The following RASA3 variants were observed in gnomAD, a reference collection of about 807,000 sequenced individuals.
The protein encoded by RASA3 is ras GTPase-activating protein 3.
A neutral mutation model predicts 110.0 loss-of-function variants in RASA3; 73 were observed. The ratio of observed to expected loss-of-function variants is 0.66; its 90% CI spans 0.55 to 0.81. The LOEUF is 0.81. Among genes scored for constraint, RASA3 ranks in the 30% least tolerant of loss-of-function variants. RASA3 has a pLI of 0.00. For synonymous variants in RASA3, 500 were observed against 451.4 expected, an observed-to-expected ratio of 1.11 and a Z score of -1.37; for missense variants, 976 against 1,113.2, an observed-to-expected ratio of 0.88 and a Z score of 1.75.
At chr13:114,066,103 G>A (rs550693887) in intron 2 of RASA3, among the ~76,000 whole-genome samples, 47 of 149,910 alleles carry the variant, frequency 3.1e-4, no homozygotes, top group Admixed American at 5.3e-4. Flanking sequence ...GCAGCACCCC[G>A]GGACACTGTG....
At chr13:114,073,967 A>C (rs9525237) in intron 1 of RASA3, 130 bp from the exon 2 acceptor site, 39,636 of 807,420 alleles carry the variant, frequency 0.049, 2,609 homozygotes, top group African/African-American at 0.21. Context: ...TTTTTTTGCC[A>C]CCACAAGTCA....
chr13:114,109,869 C>A lies in RASA3; in HGVS notation c.55+22566G>T, dbSNP rs114062693. Reference sequence around the variant, plus strand: ...CTCGCGGCGGCACGAGACTCAGCATCGTGTGGGTCTAGCTCTGGGAATCGA... The same window carrying A: ...CTCGCGGCGGCACGAGACTCAGCATAGTGTGGGTCTAGCTCTGGGAATCGA... On this transcript the variant is annotated intron_variant, in intron 1 of 23. Transcript: ENST00000334062. 7.2e-3 allele frequency among the ~76,000 whole-genome samples: 1,100 copies of A among 152,336 alleles called. 25 individuals carry two copies. The highest frequency in any genetic ancestry group is 0.025 in the African/African-American group (1,037 of 41,580).
At chr13:114,039,296 C>G (rs969764493) in intron 4 of RASA3, among the ~76,000 whole-genome samples, 1 of 145,384 alleles carries the variant, frequency 6.9e-6, no homozygotes, top group African/African-American at 2.8e-5. Context: ...GCGGTCCCAG[C>G]TGAGGACCCA....
chr13:114,121,841 C>T (rs1421301655), intron 1 of RASA3, among the ~76,000 whole-genome samples: 1 of 152,224 alleles, frequency 6.6e-6, no homozygotes. Flanking sequence ...CCCCCCGCCA[C>T]ACGCTCAGGA....
chr13:114,124,943 G>A (rs2080425959), intron 1 of RASA3, among the ~76,000 whole-genome samples: 1 of 152,160 alleles, frequency 6.6e-6, no homozygotes, highest in Non-Finnish European at 1.5e-5. Context: ...TGCTGCTACG[G>A]AAGGCCTTGT....
At position 113,979,090 on chromosome 13, in the gene RASA3, G is replaced by C. The variant is rs940399378; in HGVS notation, c.*257C>G. On this transcript the variant is annotated 3_prime_UTR_variant, in exon 24 of 24. Coordinates refer to ENST00000334062, the MANE Select transcript of RASA3 (RefSeq NM_007368.4). ...TTCCTGATCCTTCAGCTGATCCCCA[G>C]ATCCCCACAAACAAGGAGCAAAAAG... 3.1e-5 allele frequency: 16 copies of C among 515,580 alleles called. No individual in the cohort carries two copies. Among genetic ancestry groups the C allele is most frequent in the South Asian group, 2.8e-4 (13 of 45,950 alleles). 31.9% of individuals were successfully genotyped at this position (515,580 alleles called of 1,614,324 possible).
intron 4 of RASA3, 131 bp downstream of exon 4, chr13:114,040,869 T>C (rs1274134734): frequency 3.5e-6 from 3 of 848,200 alleles, no homozygotes; most frequent in African/African-American, 1.7e-5. Flanking sequence ...GAACACGCAA[T>C]CTGCTCATCG....
At position 114,031,520 on chromosome 13, in the gene RASA3, G is replaced by A. The variant is rs140017225; in HGVS notation, c.373-1633C>T. On this transcript the variant is annotated intron_variant, in intron 4 of 23. Transcript: ENST00000334062. ...CGACTGTGTCTGCCTGTCTGTGCGC[G>A]TGGCTGTGTGTCCACCTGTGTATGT... Among the ~76,000 whole-genome samples the A allele has an allele frequency of 2.8e-3, 359 of 128,622 alleles. 2 individuals carry two copies. Among genetic ancestry groups the A allele is most frequent in the African/African-American group, 0.011 (323 of 30,606 alleles). The allele number at this position is 128,622 out of a possible 152,430, so 84.4% of individuals were successfully genotyped here.
Position 114,027,374 on chromosome 13 carries a change from C to G in RASA3, c.603+15G>C, listed in dbSNP as rs780711294. The G allele has an allele frequency of 1.3e-6, 2 of 1,591,702 alleles. No homozygotes were observed. Among genetic ancestry groups the G allele is most frequent in the Non-Finnish European group, 1.7e-6 (2 of 1,159,880 alleles). On this transcript the variant is annotated intron_variant, in intron 7 of 23. Transcript: ENST00000334062. ...GCAGAGTTTCCACTTAACGTTGACC[C>G]ATGAAGATACCAACCTCAAAATAAA...
intron 3 of RASA3, among the ~76,000 whole-genome samples, chr13:114,047,644 C>T (rs747792703): frequency 6.6e-6 from 1 of 152,254 alleles, no homozygotes; most frequent in Admixed American, 6.5e-5. Context: ...GAGGATTAGA[C>T]ACAATCCAGA....
At chr13:114,036,501 C>T (rs1021769704) in intron 4 of RASA3, among the ~76,000 whole-genome samples, 2 of 152,152 alleles carry the variant, frequency 1.3e-5, no homozygotes, top group Non-Finnish European at 1.5e-5. Context: ...GATGAAACGG[C>T]GGCTCCTGAG....
chr13:114,046,080 A>G (rs2079047803), intron 3 of RASA3, among the ~76,000 whole-genome samples: 1 of 152,258 alleles, frequency 6.6e-6, no homozygotes. Context: ...AGCTCATTCA[A>G]AAGTATATAT....
chr13:114,041,007 T>C lies in RASA3; in HGVS notation c.365A>G (p.Glu122Gly). 2 of 1,613,632 alleles carry C rather than the reference T, an allele frequency of 1.2e-6. No individual in the cohort carries two copies. Among genetic ancestry groups the C allele is most frequent in the African/African-American group, 2.7e-5 (2 of 75,074 alleles). The part of the protein sequence containing the change: ...FQLQHVDADS[E>G]VQGKVHLELR... ...CTGCGCCGAGAGTCTCACCTGCACT[T>C]CCGAGTCAGCGTCCACGTGCTGCAG... Residue 122 changes from glutamate to glycine, a missense_variant, in exon 4 of 24, where the codon GAA (glutamate) becomes GGA (glycine). By Grantham distance (98) the Glu-to-Gly change is moderately conservative. Coordinates refer to ENST00000334062, the MANE Select transcript of RASA3 (RefSeq NM_007368.4).
chr13:114,128,218 ACG>A, intron 1 of RASA3, among the ~76,000 whole-genome samples: 1 of 152,376 alleles, frequency 6.6e-6, no homozygotes, highest in East Asian at 1.9e-4. Context: ...TCAGACAGAC[ACG>A]GGGAAAGCCA....
chr13:114,080,023 G>A (rs1267040633), intron 1 of RASA3, among the ~76,000 whole-genome samples: 1 of 152,248 alleles, frequency 6.6e-6, no homozygotes, highest in African/African-American at 2.4e-5. Context: ...CTGCGAAGCT[G>A]CCAGAAATAG....
intron 18 of RASA3, among the ~76,000 whole-genome samples, chr13:114,004,870 C>T (rs942769984): frequency 1.3e-5 from 2 of 152,326 alleles, no homozygotes; most frequent in Admixed American, 6.5e-5. Flanking sequence ...ACGGAATCCA[C>T]GTGTCCACCA....
chr13:114,062,923 C>T (rs1425488010), intron 2 of RASA3, among the ~76,000 whole-genome samples: 5 of 152,316 alleles, frequency 3.3e-5, no homozygotes, highest in East Asian at 1.9e-4. Context: ...ATGGGCCAGA[C>T]GCTTCCACTG....
rs2054047422 is a variant in RASA3 at position 114,027,462 on chromosome 13, C to G, written c.531-1G>C. ...CACTTTCGTCTTCTTTGCTTCTGATCTGTTATCAAGTGAGAAAGGATTGGG... is the reference window on the plus strand; with the variant it reads ...CACTTTCGTCTTCTTTGCTTCTGATGTGTTATCAAGTGAGAAAGGATTGGG... On this transcript the variant is annotated splice_acceptor_variant, in intron 6 of 23. Transcript: ENST00000334062. LOFTEE classifies it high-confidence loss of function. 6.2e-7 allele frequency: 1 copy of G among 1,608,968 alleles called. No homozygotes were observed. The highest frequency in any genetic ancestry group is 1.1e-5 in the South Asian group (1 of 90,948).
At chr13:114,113,594 CCGCA>C in intron 1 of RASA3, among the ~76,000 whole-genome samples, 1 of 151,404 alleles carries the variant, frequency 6.6e-6, no homozygotes, top group South Asian at 2.1e-4. Flanking sequence ...ACAGCTCACA[CCGCA>C]TCCATCAATC....
Sources: gnomAD v4.1 joint callset for allele counts (sites outside exome capture counted in the v4.1 genomes callset) on GRCh38, gnomAD v4.1.1 for gene constraint, MANE v1.5 for transcripts, NCBI Gene and HGNC (gene_info 2026-07-23, HGNC 2026-07-21) for gene names.